Variants in MYT1 observed in about 807,000 individuals in gnomAD.
MYT1 encodes myelin transcription factor I.
A neutral mutation model predicts 123.0 loss-of-function variants in MYT1; 23 were observed. The ratio of observed to expected loss-of-function variants is 0.19; its 90% confidence interval spans 0.13 to 0.26. MYT1 has a LOEUF of 0.26. Ranked by LOEUF, MYT1 falls within the 10% of genes least tolerant of loss-of-function variation. MYT1 has a pLI of 1.00. For synonymous variants in MYT1, 518 were observed against 575.3 expected, an observed-to-expected ratio of 0.90 and a Z score of 1.43; for missense variants, 1,125 against 1,472.5, an observed-to-expected ratio of 0.76 and a Z score of 3.86.
rs990251764 is a variant in MYT1, at chr20:64,202,864, G to A, written c.87-2171G>A. Among the ~76,000 whole-genome samples, 5 of 152,058 alleles carry A rather than the reference G, an allele frequency of 3.3e-5. No homozygotes were observed. Among genetic ancestry groups the A allele is most frequent in the South Asian group, 2.1e-4 (1 of 4,820 alleles). On this transcript the variant is annotated intron_variant, in intron 4 of 22. Coordinates refer to ENST00000328439, the MANE Select transcript of MYT1 (RefSeq NM_004535.3). This position sits in a 1 kb window ranked among gnomAD's most constrained non-coding sequence, Gnocchi z 5.0. ...CAAGGCTGGGGAATTCCCTCCTCCC[G>A]GAGAAAAGAGGCTCGGGAGTCCTGG...
intron 1 of MYT1, among the ~76,000 whole-genome samples, chr20:64,172,802 C>T (rs1261260287): frequency 7.8e-6 from 1 of 128,876 alleles, no homozygotes; most frequent in Admixed American, 9.7e-5. Context: ...GGCTGGAGTG[C>T]AGTGGCGTGA....
At chr20:64,235,642 G>C (rs1329457083) in intron 19 of MYT1, among the ~76,000 whole-genome samples, 5 of 139,128 alleles carry the variant, frequency 3.6e-5, no homozygotes, top group African/African-American at 1.4e-4. Context: ...TGGGCTGGCC[G>C]TGGTGGGTGA....
At chr20:64,180,960 A>G (rs1391093855) in intron 1 of MYT1, among the ~76,000 whole-genome samples, 3 of 152,052 alleles carry the variant, frequency 2.0e-5, no homozygotes, top group Non-Finnish European at 4.4e-5. Context: ...GGATTTTTTT[A>G]TTCTTCTACT....
rs1402246081 is a variant in MYT1, at chr20:64,203,211, G to T, written c.87-1824G>T. Among the ~76,000 whole-genome samples the T allele has an allele frequency of 6.6e-6, 1 of 152,234 alleles. No individual in the cohort carries two copies. The highest frequency in any genetic ancestry group is 1.5e-5 in the Non-Finnish European group (1 of 68,036). On this transcript the variant is annotated intron_variant, in intron 4 of 22. Transcript: ENST00000328439. The surrounding 1 kb of genome is among the most constrained non-coding windows in gnomAD (Gnocchi z 5.1). Reference sequence around the variant, plus strand: ...GGACCAGGACTCTTCTGAGCTGAGGGTGACGTGTTCAGGGCAGTCCGGTCC... The same window carrying T: ...GGACCAGGACTCTTCTGAGCTGAGGTTGACGTGTTCAGGGCAGTCCGGTCC...
chr20:64,223,201 C>A, intron 15 of MYT1, 28 bp downstream of exon 15: 1 of 1,614,122 alleles, frequency 6.2e-7, no homozygotes, highest in East Asian at 2.2e-5. Context: ...GTCCGTCTGG[C>A]CTGGGTGCTT....
Position 64,186,358 on chromosome 20 carries a change from G to A in MYT1, c.-98-3705G>A, listed in dbSNP as rs143753994. The stretch of plus-strand genomic sequence containing the variant: ...AGGATGGAGCGGTCTCTGATGTTCC[G>A]TTTCCCATTCGCATCCACGAGCAGG... On this transcript the variant is annotated intron_variant, in intron 1 of 22. Transcript: ENST00000328439. The surrounding 1 kb of genome is among the most constrained non-coding windows in gnomAD (Gnocchi z 4.3). Among the ~76,000 whole-genome samples, 486 of 152,206 alleles carry A rather than the reference G, an allele frequency of 3.2e-3. 3 individuals are homozygous for A. Among genetic ancestry groups the A allele is most frequent in the African/African-American group, 0.011 (469 of 41,524 alleles).
rs752959918 is a variant in MYT1, at chr20:64,173,507, T to C, written c.-99+8768T>C. Among the ~76,000 whole-genome samples, 1,196 of 128,222 alleles carry C rather than the reference T, an allele frequency of 9.3e-3. 9 individuals carry two copies. Among genetic ancestry groups the C allele is most frequent in the Middle Eastern group, 0.013 (3 of 224 alleles). The allele number at this position is 128,222 out of a possible 152,430, so 84.1% of individuals were successfully genotyped here. On this transcript the variant is annotated intron_variant, in intron 1 of 22. Transcript: ENST00000328439. The stretch of plus-strand genomic sequence containing the variant: ...ATCCTTCCCTTTAGTTGTGTCCATT[T>C]CCCCTCCCTGACTTCTCCTCCTGCA...
At chr20:64,237,204 C>G in intron 20 of MYT1, 83 bp from the exon 21 acceptor site, 2 of 1,143,666 alleles carry the variant, frequency 1.7e-6, no homozygotes, top group South Asian at 1.4e-5. Context: ...GGTTTCAGTT[C>G]TAGAAAGCAG....
Position 64,208,209 on chromosome 20 carries a change from C to G in MYT1, c.1013C>G (p.Pro338Arg). ...GGCCCAGAATCACCCAGTCCCAAGCCTGAGTACTCTGTTATTGTGGAGGTC... is the reference window on the plus strand; with the variant it reads ...GGCCCAGAATCACCCAGTCCCAAGCGTGAGTACTCTGTTATTGTGGAGGTC... ...LRGPESPSPK[P>R]EYSVIVEVRS... Residue 338 changes from proline (P) to arginine (R), a missense_variant, in exon 7 of 23, where the codon CCT becomes CGT. Physicochemically the swap from Pro to Arg is moderately radical, Grantham distance 103. Transcript: ENST00000328439. This position sits in a 1 kb window ranked among gnomAD's most constrained non-coding sequence, Gnocchi z 5.4. 1 of 1,614,030 alleles carries G rather than the reference C, an allele frequency of 6.2e-7. No individual in the cohort carries two copies. Among genetic ancestry groups the G allele is most frequent in the Non-Finnish European group, 8.5e-7 (1 of 1,180,026 alleles).
chr20:64,199,703 C>G (rs969495799), intron 3 of MYT1, among the ~76,000 whole-genome samples, 189 bp from the exon 4 acceptor site: 1 of 152,196 alleles, frequency 6.6e-6, no homozygotes, highest in African/African-American at 2.4e-5. Context: ...CTCTGTTGAC[C>G]TTGGAGGACT....
chr20:64,239,158 G>C (rs577779355), intron 21 of MYT1, among the ~76,000 whole-genome samples: 25 of 152,324 alleles, frequency 1.6e-4, no homozygotes, highest in Non-Finnish European at 2.9e-4. Context: ...ACACAACCCT[G>C]GGCAGGTTCA....
chr20:64,227,724 CTG>C (rs1389120399), intron 17 of MYT1, among the ~76,000 whole-genome samples, 162 bp from the exon 18 acceptor site: 8 of 152,180 alleles, frequency 5.3e-5, no homozygotes, highest in African/African-American at 1.9e-4. Flanking sequence ...CGTGTGAAGG[CTG>C]TGTCTGTGGA....
chr20:64,204,967 G>A, intron 4 of MYT1, 68 bp from the exon 5 acceptor site: 8 of 1,522,646 alleles, frequency 5.3e-6, no homozygotes, highest in Non-Finnish European at 7.3e-6. Context: ...CCAGGGTGAA[G>A]GTCTGCGACA....
intron 10 of MYT1, among the ~76,000 whole-genome samples, chr20:64,214,399 G>A (rs1280990102): frequency 1.2e-4 from 19 of 152,244 alleles, no homozygotes; most frequent in Non-Finnish European, 5.9e-5. Flanking sequence ...ATGTGTGTGT[G>A]CATGTGTAAA....
chr20:64,228,892 G>A (rs772223291), intron 18 of MYT1, among the ~76,000 whole-genome samples: 3 of 152,194 alleles, frequency 2.0e-5, no homozygotes, highest in Non-Finnish European at 4.4e-5. Context: ...CGGTCGGGAC[G>A]GGGCCCTACT....
rs201550387 is a variant in MYT1 at position 64,171,614 on chromosome 20, C to CT, written c.-99+6875_-99+6876insT. On this transcript the variant is annotated intron_variant, in intron 1 of 22. Coordinates refer to ENST00000328439, the MANE Select transcript of MYT1 (RefSeq NM_004535.3). ...GCATCTGGAGGAACCCAAACCCTAA[C>CT]CCCTAACCTCTGGCATCTGGAGGAA... 2.3e-4 allele frequency among the ~76,000 whole-genome samples: 33 copies of CT among 143,974 alleles called. No individual in the cohort carries two copies. In the East Asian group the frequency reaches 3.9e-3, roughly 17 times the overall value. The allele number at this position is 143,974 out of a possible 152,430, so 94.5% of individuals were successfully genotyped here.
chr20:64,223,039 C>G, intron 14 of MYT1, 72 bp from the exon 15 acceptor site: 1 of 1,569,218 alleles, frequency 6.4e-7, no homozygotes, highest in South Asian at 1.1e-5. Flanking sequence ...CAGTCTCCCT[C>G]GCAGAGCAGG....
chr20:64,200,669 GA>G (rs1372251897), intron 4 of MYT1, among the ~76,000 whole-genome samples: 2 of 152,320 alleles, frequency 1.3e-5, no homozygotes, highest in Non-Finnish European at 2.9e-5. Flanking sequence ...TCACAGTCTT[GA>G]TCTCTGGGAA....
At chr20:64,235,753 TGGATGGCTGTGGTGGGTGACCCTG>T (rs1984508423) in intron 19 of MYT1, among the ~76,000 whole-genome samples, 1 of 33,970 alleles carries the variant, frequency 2.9e-5, no homozygotes, top group Non-Finnish European at 5.3e-5. Context: ...GGGTGACCCT[TGGATGGCTGTGGTGGGTGACCCTG>T]GGATGGCTGT....
Sources: allele counts gnomAD v4.1 joint callset (sites outside exome capture counted in the v4.1 genomes callset), GRCh38; gene constraint gnomAD v4.1.1; non-coding constraint Gnocchi (gnomAD v3.1); transcripts MANE v1.5; gene names NCBI Gene and HGNC (gene_info 2026-07-23, HGNC 2026-07-21).